Variants in CDH12 observed in about 807,000 individuals in gnomAD.
CDH12 encodes cadherin 12.
Under a neutral mutation model 74.1 loss-of-function variants are expected in CDH12, and 41 were observed. That is an observed-to-expected ratio of 0.55 (90% confidence interval 0.43 to 0.72). CDH12 has a LOEUF of 0.72. CDH12 is among the 30% of genes least tolerant of loss of function. The probability of loss-of-function intolerance (pLI) is 0.00; values close to 1 mark genes in which losing one functional copy is unlikely to be tolerated. For synonymous variants in CDH12, 399 were observed against 355.0 expected, an observed-to-expected ratio of 1.12 and a Z score of -1.39; for missense variants, 945 against 977.2, an observed-to-expected ratio of 0.97 and a Z score of 0.44.
chr5:21,883,557 G>A (rs1343352035), intron 6 of CDH12: 7 of 1,608,414 alleles, frequency 4.4e-6, no homozygotes, highest in Middle Eastern at 1.7e-4. Context: ...TACTGGTGGT[G>A]CAGTGTTTGG....
chr5:21,953,545 T>G lies in CDH12; in HGVS notation c.526+21546A>C, dbSNP rs150824686. On this transcript the variant is annotated intron_variant, in intron 6 of 14. Transcript: ENST00000382254. ...GAGAAGAGGAGTAATTTATACTCTT[T>G]ACAAATCATGGTCAGGTATGACTGG... Among the ~76,000 whole-genome samples the G allele has an allele frequency of 1.8e-3, 269 of 152,328 alleles. 4 individuals are homozygous for G. The highest frequency in any genetic ancestry group is 6.1e-3 in the African/African-American group (254 of 41,580).
At chr5:21,786,984 T>C (rs945534226) in intron 10 of CDH12, among the ~76,000 whole-genome samples, 2 of 152,162 alleles carry the variant, frequency 1.3e-5, no homozygotes, top group East Asian at 3.8e-4. Context: ...AATTTCATGA[T>C]AAAACTTGAA....
intron 3 of CDH12, among the ~76,000 whole-genome samples, chr5:22,239,965 A>C (rs568050178): frequency 1.3e-5 from 2 of 152,172 alleles, no homozygotes; most frequent in Non-Finnish European, 2.9e-5. Flanking sequence ...CTTTCCCGGT[A>C]CTTCTTCTTA....
chr5:22,074,627 AC>A (rs1454786741), intron 5 of CDH12, among the ~76,000 whole-genome samples: 1 of 152,126 alleles, frequency 6.6e-6, no homozygotes, highest in Non-Finnish European at 1.5e-5. Context: ...GAAAACAACA[AC>A]CCCATCAAAA....
chr5:22,050,917 T>G (rs927618913), intron 5 of CDH12, among the ~76,000 whole-genome samples: 5 of 152,156 alleles, frequency 3.3e-5, no homozygotes, highest in Non-Finnish European at 4.4e-5. Context: ...GTGTTCTCAT[T>G]AAGCTCTGAT....
chr5:22,493,312 C>T (rs563099399), intron 2 of CDH12, among the ~76,000 whole-genome samples: 73 of 152,256 alleles, frequency 4.8e-4, no homozygotes, highest in African/African-American at 1.7e-3. Flanking sequence ...TGTTGATTTT[C>T]TGTCACCCTC....
intron 4 of CDH12, among the ~76,000 whole-genome samples, chr5:22,086,213 T>C (rs1463019776): frequency 6.6e-6 from 1 of 152,216 alleles, no homozygotes; most frequent in Non-Finnish European, 1.5e-5. Flanking sequence ...TATTACTCAA[T>C]GATCTTAACT....
chr5:21,936,154 T>G (rs1262369084), intron 6 of CDH12, among the ~76,000 whole-genome samples: 2 of 152,176 alleles, frequency 1.3e-5, no homozygotes, highest in Non-Finnish European at 2.9e-5. Context: ...TTTTGCTTTT[T>G]GAGAAACCTC....
At chr5:21,803,645 C>G (rs1055273678) in intron 9 of CDH12, among the ~76,000 whole-genome samples, 7 of 152,100 alleles carry the variant, frequency 4.6e-5, no homozygotes, top group Admixed American at 2.6e-4. Flanking sequence ...GTCAATGGCT[C>G]TGGCCTCTGA....
At chr5:22,662,667 G>GTA (rs2126900114) in intron 1 of CDH12, among the ~76,000 whole-genome samples, 1 of 152,334 alleles carries the variant, frequency 6.6e-6, no homozygotes, top group South Asian at 2.1e-4. Context: ...CTGTCAATTA[G>GTA]TAGTAAGCCT....
chr5:22,632,855 C>T (rs1435012869), intron 1 of CDH12, among the ~76,000 whole-genome samples: 1 of 150,936 alleles, frequency 6.6e-6, no homozygotes, highest in Non-Finnish European at 1.5e-5. Context: ...CAAAGAGATC[C>T]ACCCCTAGAT....
chr5:22,259,163 A>G (rs574467241), intron 3 of CDH12, among the ~76,000 whole-genome samples: 9 of 152,286 alleles, frequency 5.9e-5, no homozygotes, highest in Non-Finnish European at 1.2e-4. Flanking sequence ...TAATAAATTG[A>G]CAATGAAAAC....
chr5:22,633,034 G>A (rs1447102971), intron 1 of CDH12, among the ~76,000 whole-genome samples: 1 of 152,254 alleles, frequency 6.6e-6, no homozygotes, highest in East Asian at 1.9e-4. Context: ...AACAATGGAT[G>A]CCAGGAGGCA....
intron 5 of CDH12, among the ~76,000 whole-genome samples, chr5:22,050,871 T>A (rs1161023925): frequency 6.6e-6 from 1 of 152,158 alleles, no homozygotes; most frequent in Non-Finnish European, 1.5e-5. Flanking sequence ...TGCACTGATC[T>A]TAAAAATAAC....
At chr5:22,433,009 T>A (rs1452544865) in intron 2 of CDH12, among the ~76,000 whole-genome samples, 2 of 152,078 alleles carry the variant, frequency 1.3e-5, no homozygotes, top group Non-Finnish European at 2.9e-5. Flanking sequence ...AAATTCCACA[T>A]TCACTACTTT....
intron 5 of CDH12, among the ~76,000 whole-genome samples, chr5:22,008,260 C>T (rs1475295010): frequency 4.0e-5 from 6 of 151,482 alleles, no homozygotes; most frequent in East Asian, 1.9e-4. Context: ...AATGGAGTCT[C>T]GCTCTGTCAC....
chr5:21,911,478 G>A (rs1196268694), intron 6 of CDH12, among the ~76,000 whole-genome samples: 3 of 151,972 alleles, frequency 2.0e-5, no homozygotes, highest in African/African-American at 7.2e-5. Flanking sequence ...ATTGATAATG[G>A]TTTTTATTTA....
intron 1 of CDH12, among the ~76,000 whole-genome samples, chr5:22,618,427 G>C (rs937627994): frequency 6.6e-6 from 1 of 151,978 alleles, no homozygotes; most frequent in Non-Finnish European, 1.5e-5. Context: ...ATGTAGTCTT[G>C]GGTTCACACT....
intron 3 of CDH12, among the ~76,000 whole-genome samples, chr5:22,287,491 G>A (rs1217202530): frequency 2.0e-5 from 3 of 151,954 alleles, no homozygotes; most frequent in Admixed American, 6.6e-5. Context: ...TTGGGAGGCC[G>A]AGGCGGGCGG....
Sources: gnomAD v4.1 joint callset for allele counts (sites outside exome capture counted in the v4.1 genomes callset) on GRCh38, gnomAD v4.1.1 for gene constraint, MANE v1.5 for transcripts, NCBI Gene and HGNC (gene_info 2026-07-23, HGNC 2026-07-21) for gene names.